EXOC6: variants seen among roughly 807,000 people sequenced by gnomAD.
EXOC6 encodes SEC15-like 1.
EXOC6 carries 60 observed loss-of-function variants against 112.5 expected under a neutral mutation model. The observed-to-expected ratio is 0.53, with a 90% CI of 0.43 to 0.66. EXOC6 has a LOEUF of 0.66. EXOC6 is among the 30% of genes least tolerant of loss of function. EXOC6 has a pLI of 0.00. For synonymous variants in EXOC6, 295 were observed against 308.0 expected, an observed-to-expected ratio of 0.96 and a Z score of 0.44; for missense variants, 855 against 957.1, an observed-to-expected ratio of 0.89 and a Z score of 1.41.
At chr10:92,917,052 C>T (rs1275099986) in intron 7 of EXOC6, among the ~76,000 whole-genome samples, 1 of 151,760 alleles carries the variant, frequency 6.6e-6, no homozygotes, top group Non-Finnish European at 1.5e-5. Flanking sequence ...CAACCTCTGC[C>T]TCCTGGGTTC....
At chr10:92,889,878 T>C (rs1849413352) in intron 1 of EXOC6, among the ~76,000 whole-genome samples, 1 of 152,112 alleles carries the variant, frequency 6.6e-6, no homozygotes, top group Non-Finnish European at 1.5e-5. Context: ...GCCTACTGAG[T>C]AGCTGGGACT....
chr10:92,922,559 C>T (rs544506161), intron 8 of EXOC6, among the ~76,000 whole-genome samples: 19 of 151,994 alleles, frequency 1.3e-4, no homozygotes, highest in African/African-American at 4.1e-4. Context: ...GCTCTTTGTC[C>T]GAAATCCTAA....
intron 13 of EXOC6, among the ~76,000 whole-genome samples, chr10:92,947,763 G>A (rs1853122336): frequency 6.6e-6 from 1 of 152,118 alleles, no homozygotes; most frequent in Non-Finnish European, 1.5e-5. Flanking sequence ...AAATTAGCCA[G>A]GCGTGGTGGC....
Position 92,975,790 on chromosome 10 carries a change from T to TG in EXOC6, c.1953+1565dup, listed in dbSNP as rs1299629671. Among the ~76,000 whole-genome samples, 285 of 77,824 alleles carry TG rather than the reference T, an allele frequency of 3.7e-3. 4 individuals carry two copies. Among genetic ancestry groups the TG allele is most frequent in the African/African-American group, 0.012 (227 of 19,068 alleles). The allele number at this position is 77,824 out of a possible 152,430, so 51.1% of individuals were successfully genotyped here. ...CCAGCCGCCCCATCCGGGAGGGAGG[T>TG]GGGGGGGTCAGCCCCCGCGCCCGGC... is the stretch of plus-strand genomic sequence containing the variant. On this transcript the variant is annotated intron_variant, in intron 18 of 21. Coordinates refer to ENST00000260762, the MANE Select transcript of EXOC6 (RefSeq NM_019053.6).
intron 20 of EXOC6, 40 bp downstream of exon 20, chr10:93,014,307 A>T: frequency 1.3e-6 from 2 of 1,483,340 alleles, no homozygotes; most frequent in Admixed American, 1.8e-5. Flanking sequence ...TTGCCCTCTA[A>T]CTCTTGCCCT....
intron 20 of EXOC6, among the ~76,000 whole-genome samples, chr10:93,032,959 A>G (rs887402163): frequency 2.6e-5 from 4 of 152,162 alleles, no homozygotes; most frequent in Non-Finnish European, 4.4e-5. Context: ...AGCAAGAGCA[A>G]AGTCCTAAGG....
intron 20 of EXOC6, among the ~76,000 whole-genome samples, chr10:93,024,208 T>G (rs1422291348): frequency 6.6e-6 from 1 of 152,168 alleles, no homozygotes; most frequent in Non-Finnish European, 1.5e-5. Flanking sequence ...GAAGTTTAGG[T>G]AGGTCAAATG....
chr10:93,051,766 G>A (rs1030094484), intron 20 of EXOC6, among the ~76,000 whole-genome samples: 2 of 152,166 alleles, frequency 1.3e-5, no homozygotes, highest in Non-Finnish European at 2.9e-5. Flanking sequence ...TTGTTAGAAG[G>A]ACAAGTATTT....
intron 20 of EXOC6, among the ~76,000 whole-genome samples, chr10:93,015,214 G>A (rs1035804422): frequency 3.3e-5 from 5 of 152,172 alleles, no homozygotes; most frequent in Non-Finnish European, 7.3e-5. Flanking sequence ...CCACAGTGAT[G>A]TTTGGAGCAG....
intron 2 of EXOC6, 39 bp downstream of exon 2, chr10:92,893,559 T>A: frequency 1.3e-6 from 2 of 1,521,438 alleles, no homozygotes; most frequent in Non-Finnish European, 8.9e-7. Flanking sequence ...TTGTTCTCAT[T>A]AAATTACTCA....
upstream of EXOC6, among the ~76,000 whole-genome samples, chr10:92,830,805 CAA>C (rs1204656463): frequency 1.3e-5 from 2 of 152,124 alleles, no homozygotes; most frequent in African/African-American, 4.8e-5. Context: ...AGGAAGTAGT[CAA>C]AGAGTTTGAG....
At chr10:92,860,408 C>T (rs1249659818) in intron 1 of EXOC6, among the ~76,000 whole-genome samples, 1 of 151,510 alleles carries the variant, frequency 6.6e-6, no homozygotes, top group Non-Finnish European at 1.5e-5. Context: ...GAGTAGCTGG[C>T]ATGCACCACC....
chr10:92,952,567 G>A (rs537705924), intron 15 of EXOC6, among the ~76,000 whole-genome samples, 185 bp downstream of exon 15: 7 of 152,220 alleles, frequency 4.6e-5, no homozygotes, highest in African/African-American at 1.2e-4. Context: ...CCCAGGTAGC[G>A]AGCATAGTAC....
intron 7 of EXOC6, among the ~76,000 whole-genome samples, chr10:92,917,119 T>A (rs564648829): frequency 6.6e-6 from 1 of 151,956 alleles, no homozygotes; most frequent in Non-Finnish European, 1.5e-5. Flanking sequence ...TGCGCCACCA[T>A]GCCCGGCTGG....
At chr10:92,858,024 C>CCCCA in intron 1 of EXOC6, among the ~76,000 whole-genome samples, 1 of 130,358 alleles carries the variant, frequency 7.7e-6, no homozygotes, top group Admixed American at 7.9e-5. Context: ...TGACGGGTTC[C>CCCCA]CCCCCTCCGC....
intron 19 of EXOC6, among the ~76,000 whole-genome samples, chr10:93,005,375 AT>A (rs1426199622): frequency 2.0e-5 from 3 of 152,138 alleles, no homozygotes; most frequent in African/African-American, 7.2e-5. Flanking sequence ...TTCAAGATAA[AT>A]GTCTTCTTAT....
At chr10:92,885,561 T>C (rs1273985268) in intron 1 of EXOC6, among the ~76,000 whole-genome samples, 2 of 152,104 alleles carry the variant, frequency 1.3e-5, no homozygotes, top group African/African-American at 4.8e-5. Flanking sequence ...GTATTTTTAG[T>C]AGAGACAGCG....
chr10:92,900,412 C>T (rs1392970001), intron 5 of EXOC6: 2 of 152,066 alleles, frequency 1.3e-5, no homozygotes, highest in African/African-American at 4.8e-5. Context: ...CAGAACACAT[C>T]TTATACAGAC....
intron 17 of EXOC6, among the ~76,000 whole-genome samples, chr10:92,970,424 A>G (rs559341074): frequency 3.9e-5 from 6 of 152,138 alleles, no homozygotes; most frequent in Admixed American, 3.3e-4. Context: ...TGCAAATACC[A>G]CACCATTTTA....
Sources: gnomAD v4.1 joint callset for allele counts (sites outside exome capture counted in the v4.1 genomes callset) on GRCh38, gnomAD v4.1.1 for gene constraint, MANE v1.5 for transcripts, NCBI Gene and HGNC (gene_info 2026-07-23, HGNC 2026-07-21) for gene names.